The following OTOP3 variants were observed in gnomAD, a reference collection of about 807,000 sequenced individuals.
OTOP3 encodes otopetrin 3.
A neutral mutation model predicts 50.8 loss-of-function variants in OTOP3; 41 were observed. The ratio of observed to expected loss-of-function variants is 0.81; its 90% CI spans 0.63 to 1.05. The LOEUF (loss-of-function observed/expected upper bound fraction) is 1.05, where lower values mean the gene tolerates loss of function less well. Among genes scored for constraint, OTOP3 ranks in the 50% least tolerant of loss-of-function variants. OTOP3 has a pLI of 0.00. For missense variants in OTOP3, 788 were observed against 760.8 expected, an observed-to-expected ratio of 1.04 and a Z score of -0.42; for synonymous variants, 320 against 324.4, an observed-to-expected ratio of 0.99 and a Z score of 0.14.
intron 1 of OTOP3, among the ~76,000 whole-genome samples, chr17:74,941,135 G>C (rs2039167061): frequency 6.6e-6 from 1 of 152,196 alleles, no homozygotes; most frequent in Non-Finnish European, 1.5e-5. Context: ...TGAGAGGGAG[G>C]ACATGATCCT....
chr17:74,939,616 G>C (rs1249879065), intron 1 of OTOP3, among the ~76,000 whole-genome samples: 1 of 152,164 alleles, frequency 6.6e-6, no homozygotes, highest in Non-Finnish European at 1.5e-5. Flanking sequence ...AGCAAGTGGT[G>C]ACAAAGTGGT....
At position 74,946,861 on chromosome 17, in the gene OTOP3, G is replaced by C. The variant is rs376636331; in HGVS notation, c.952G>C (p.Gly318Arg). 1.2e-6 allele frequency: 2 copies of C among 1,610,674 alleles called. No individual in the cohort carries two copies. Among genetic ancestry groups the C allele is most frequent in the Non-Finnish European group, 1.7e-6 (2 of 1,180,024 alleles). The change falls in exon 6 of 7, where the codon GGG becomes CGG. Residue 318 changes from glycine to arginine, a missense_variant. Coordinates refer to ENST00000328801, the MANE Select transcript of OTOP3 (RefSeq NM_001272005.2). ...TGCCACCGCACCCTTCCACCTGCACGGGGCCATCTTCGGGCCGCTGCTGGG... is the reference window on the plus strand; with the variant it reads ...TGCCACCGCACCCTTCCACCTGCACCGGGCCATCTTCGGGCCGCTGCTGGG... ...HPATAPFHLH[G>R]AIFGPLLGLL...
At chr17:74,942,503 C>T (rs2039187568) in intron 3 of OTOP3, among the ~76,000 whole-genome samples, 2 of 152,012 alleles carry the variant, frequency 1.3e-5, no homozygotes, top group African/African-American at 4.8e-5. Context: ...TGGTGGCGCA[C>T]GCCTGTAGTC....
At position 74,945,482 on chromosome 17, in the gene OTOP3, G is replaced by A. The variant is rs530327062; in HGVS notation, c.752-1179G>A. Among the ~76,000 whole-genome samples the A allele has an allele frequency of 2.6e-5, 4 of 152,294 alleles. No individual in the cohort carries two copies. In the South Asian group the frequency reaches 8.3e-4, roughly 32 times the overall value. On this transcript the variant is annotated intron_variant, in intron 5 of 6. Coordinates refer to ENST00000328801, the MANE Select transcript of OTOP3 (RefSeq NM_001272005.2). ...CACTGACCTTGAGACTTGTCAGGTT[G>A]CTTCCTCCTGGCAGTGTTTAACTCA...
In OTOP3 at chr17:74,942,543, A is replaced by G. The variant is rs1305340146; in HGVS notation, c.573+506A>G. 4.6e-5 allele frequency among the ~76,000 whole-genome samples: 7 copies of G among 152,048 alleles called. No homozygotes were observed. In the East Asian group the frequency reaches 1.4e-3, roughly 29 times the overall value. ...CTACTCGGGAGGCTGAGGCACAAGA[A>G]TCGCTTGAACCCAGGAGGCAGAGGT... On this transcript the variant is annotated intron_variant, in intron 3 of 6. Coordinates refer to ENST00000328801, the MANE Select transcript of OTOP3 (RefSeq NM_001272005.2).
At position 74,947,244 on chromosome 17, in the gene OTOP3, T is replaced by G. The variant is rs750509463; in HGVS notation, c.1335T>G (p.Ala445=). The G allele has an allele frequency of 7.4e-6, 12 of 1,613,898 alleles. No homozygotes were observed. Among genetic ancestry groups the G allele is most frequent in the Non-Finnish European group, 1.0e-5 (12 of 1,179,966 alleles). ...TGCTGCTCATCCTGCAGCACATCGC[T>G]CAGAACCTCTTCATCATCGAGGGCC... ...YSLLLILQHI[A]QNLFIIEGLH... is the part of the protein sequence containing the mutation. Residue 445 remains alanine, a synonymous_variant, in exon 6 of 7, where the codon GCT becomes GCG. Coordinates refer to ENST00000328801, the MANE Select transcript of OTOP3 (RefSeq NM_001272005.2).
In OTOP3 at chr17:74,941,474, T is replaced by C. The variant is rs371979011; in HGVS notation, c.101T>C (p.Val34Ala). Residue 34 changes from valine to alanine, a missense_variant, in exon 2 of 7, where the codon GTG (valine) becomes GCG (alanine). Val to Ala is a moderately conservative substitution (Grantham distance 64). Transcript: ENST00000328801. ...CCGGAGAAGGAGAACCGAGTGGATG[T>C]GGGGGCCGAGGAGAGAGCGGCCGCC... ...AAPEKENRVD[V>A]GAEERAAATR... 11 of 1,608,266 alleles carry C rather than the reference T, an allele frequency of 6.8e-6. No individual in the cohort carries two copies. Among genetic ancestry groups the C allele is most frequent in the African/African-American group, 1.3e-5 (1 of 74,796 alleles).
chr17:74,941,230 G>T (rs2039168470), intron 1 of OTOP3, among the ~76,000 whole-genome samples, 163 bp from the exon 2 acceptor site: 1 of 151,958 alleles, frequency 6.6e-6, no homozygotes, highest in African/African-American at 2.4e-5. Flanking sequence ...ACCTCCTCAG[G>T]TCCTGTAAGA....
rs574086472 is a variant in OTOP3 at position 74,949,564 on chromosome 17, G to A, written c.*148G>A. 11 of 905,832 alleles carry A rather than the reference G, an allele frequency of 1.2e-5. No individual in the cohort carries two copies. Among genetic ancestry groups the A allele is most frequent in the South Asian group, 1.1e-4 (6 of 56,402 alleles). 56.1% of individuals were successfully genotyped at this position (905,832 alleles called of 1,614,324 possible). A position where few individuals can be genotyped will look rare whatever the true frequency, so the allele number is the denominator to read the frequency against. Reference sequence around the variant, plus strand: ...TCCCCAGAGCCTCACTGAAGGGGAGGGCACTGCCTAGAGCCAGAGGCCAAC... The same window carrying A: ...TCCCCAGAGCCTCACTGAAGGGGAGAGCACTGCCTAGAGCCAGAGGCCAAC... On this transcript the variant is annotated 3_prime_UTR_variant, in exon 7 of 7. Coordinates refer to ENST00000328801, the MANE Select transcript of OTOP3 (RefSeq NM_001272005.2).
rs1196153346 is a variant in OTOP3, at chr17:74,947,182, C to T, written c.1273C>T (p.His425Tyr). The change falls in exon 6 of 7, where the codon CAT becomes TAT. Residue 425 changes from histidine (H) to tyrosine (Y), a missense_variant. By Grantham distance (83) the His-to-Tyr change is moderately conservative. Transcript: ENST00000328801. Reference sequence around the variant, plus strand: ...CGTGGCCATTGTGGCCAAGCGCCCGCATGAGCTGCTCAACCGCCTCATCCT... The same window carrying T: ...CGTGGCCATTGTGGCCAAGCGCCCGTATGAGCTGCTCAACCGCCTCATCCT... Reference protein sequence around the residue: ...SIVAIVAKRPHELLNRLILAY... With the variant: ...SIVAIVAKRPYELLNRLILAY... 1 of 1,613,910 alleles carries T rather than the reference C, an allele frequency of 6.2e-7. No homozygotes were observed. Among genetic ancestry groups the T allele is most frequent in the African/African-American group, 1.3e-5 (1 of 74,950 alleles).
At chr17:74,943,850 C>G in intron 5 of OTOP3, 126 bp downstream of exon 5, 1 of 807,728 alleles carries the variant, frequency 1.2e-6, no homozygotes, top group Non-Finnish European at 1.9e-6. Flanking sequence ...GAGTTGGGAG[C>G]AAACTCTAGA....
At chr17:74,942,369 G>A (rs1313689990) in intron 3 of OTOP3, among the ~76,000 whole-genome samples, 8 of 151,770 alleles carry the variant, frequency 5.3e-5, no homozygotes, top group Admixed American at 3.3e-4. Flanking sequence ...AGTGGCTCAC[G>A]CCTGTAATCC....
intron 2 of OTOP3, 37 bp downstream of exon 2, chr17:74,941,846 G>A: frequency 6.3e-7 from 1 of 1,592,428 alleles, no homozygotes; most frequent in Non-Finnish European, 8.6e-7. Context: ...GGCAGGGGTG[G>A]GGAGGGAGAG....
chr17:74,939,216 G>A (rs966644965), intron 1 of OTOP3, among the ~76,000 whole-genome samples: 6 of 152,074 alleles, frequency 3.9e-5, no homozygotes, highest in African/African-American at 9.7e-5. Flanking sequence ...TTGTGAGCTG[G>A]AATGAACAAG....
intron 5 of OTOP3, 57 bp from the exon 6 acceptor site, chr17:74,946,604 T>G: frequency 1.4e-6 from 2 of 1,458,298 alleles, no homozygotes; most frequent in Non-Finnish European, 1.9e-6. Context: ...TGTAGCCAGT[T>G]TCCTCAGAGC....
Position 74,949,344 on chromosome 17 carries a change from C to T in OTOP3, c.1665C>T (p.Phe555=), listed in dbSNP as rs62638688. ...GYQIWFAIVN[F]GLPLGVFYRM... is the part of the protein sequence containing the mutation. The stretch of plus-strand genomic sequence containing the variant: ...AGATATGGTTCGCCATCGTCAACTT[C>T]GGCCTGCCTCTGGGGGTCTTCTACC... Residue 555 remains phenylalanine (F), a synonymous_variant, in exon 7 of 7, where the codon TTC becomes TTT. Transcript: ENST00000328801. 7,918 of 1,614,046 alleles carry T rather than the reference C, an allele frequency of 4.9e-3. 331 individuals carry two copies. In the African/African-American group the frequency reaches 0.09, roughly 18 times the overall value.
rs1490667099 is a variant in OTOP3, at chr17:74,941,644, A to T, written c.271A>T (p.Met91Leu). 2.5e-6 allele frequency: 4 copies of T among 1,614,118 alleles called. No individual in the cohort carries two copies. In the South Asian group the frequency reaches 4.4e-5, roughly 18 times the overall value. Residue 91 changes from methionine to leucine, a missense_variant, in exon 2 of 7, where the codon ATG becomes TTG. Coordinates refer to ENST00000328801, the MANE Select transcript of OTOP3 (RefSeq NM_001272005.2). ...VFLGGAFICS[M>L]IFNKVAVTLG... ...CCTGGGTGGCGCCTTCATCTGCAGC[A>T]TGATCTTCAACAAGGTGGCCGTCAC...
Position 74,939,313 on chromosome 17 carries a change from C to G in OTOP3, c.20-2080C>G, listed in dbSNP as rs138335446. Among the ~76,000 whole-genome samples, 336 of 152,242 alleles carry G rather than the reference C, an allele frequency of 2.2e-3. 2 individuals are homozygous for G. Among genetic ancestry groups the G allele is most frequent in the African/African-American group, 7.8e-3 (324 of 41,532 alleles). ...CTAGGAGGTGGGGAGATGGAGATGT[C>G]ACTCTGAGATTGTGACATTAGGAAG... On this transcript the variant is annotated intron_variant, in intron 1 of 6. Transcript: ENST00000328801.
chr17:74,937,156 G>C (rs1422741644), intron 1 of OTOP3, among the ~76,000 whole-genome samples: 1 of 151,920 alleles, frequency 6.6e-6, no homozygotes, highest in Non-Finnish European at 1.5e-5. Flanking sequence ...GTAGAGACAG[G>C]GTTTTGCCAT....
Sources: allele counts gnomAD v4.1 joint callset (sites outside exome capture counted in the v4.1 genomes callset), GRCh38; gene constraint gnomAD v4.1.1; transcripts MANE v1.5; gene names NCBI Gene and HGNC (gene_info 2026-07-23, HGNC 2026-07-21).